The following C1orf185 variants were observed in gnomAD, a reference collection of about 807,000 sequenced individuals.
The protein encoded by C1orf185 is uncharacterized protein C1orf185.
A neutral mutation model predicts 16.1 loss-of-function variants in C1orf185; 13 were observed. The observed-to-expected ratio is 0.81, with a 90% CI of 0.53 to 1.28. The LOEUF is 1.28. Ranked by LOEUF, C1orf185 falls within the 50% of genes most tolerant of loss-of-function variation. The probability of loss-of-function intolerance (pLI) is 0.00; values close to 1 mark genes in which losing one functional copy is unlikely to be tolerated. For synonymous variants in C1orf185, 80 were observed against 76.9 expected (o/e 1.04, Z -0.21); for missense variants, 220 against 225.2 (o/e 0.98, Z 0.15).
At chr1:51,106,760 ATT>A (rs1188472569) in intron 1 of C1orf185, among the ~76,000 whole-genome samples, 12 of 140,574 alleles carry the variant, frequency 8.5e-5, no homozygotes, top group Non-Finnish European at 7.8e-5. Flanking sequence ...CAGATCTGTA[ATT>A]TTTTTTTTTT....
intron 3 of C1orf185, among the ~76,000 whole-genome samples, chr1:51,143,799 T>G: frequency 6.6e-6 from 1 of 152,174 alleles, no homozygotes; most frequent in East Asian, 1.9e-4. Context: ...AGTAGCTGGC[T>G]CTACAGGCAT....
downstream of C1orf185, among the ~76,000 whole-genome samples, chr1:51,149,926 T>C (rs144370659): frequency 3.9e-3 from 601 of 152,288 alleles, 2 homozygotes; most frequent in African/African-American, 0.014. Flanking sequence ...TAAAATCCCC[T>C]TTTTGCTTAA....
chr1:51,136,092 G>A (rs1280691620), intron 3 of C1orf185, among the ~76,000 whole-genome samples: 2 of 152,066 alleles, frequency 1.3e-5, no homozygotes, highest in Non-Finnish European at 2.9e-5. Context: ...TAGGAATGCA[G>A]CTAATCAGGG....
intron 1 of C1orf185, among the ~76,000 whole-genome samples, chr1:51,106,050 C>T (rs2148007715): frequency 6.6e-6 from 1 of 152,126 alleles, no homozygotes; most frequent in South Asian, 2.1e-4. Context: ...CACCTATTTT[C>T]TGTCGTAATA....
chr1:51,131,459 C>T (rs1008034131), intron 3 of C1orf185, among the ~76,000 whole-genome samples: 22 of 152,006 alleles, frequency 1.4e-4, no homozygotes, highest in Non-Finnish European at 2.5e-4. Context: ...TCTGGAGTTT[C>T]GTTTTTTGTT....
At chr1:51,151,233 G>A (rs1488203503), downstream of C1orf185, among the ~76,000 whole-genome samples, 1 of 152,344 alleles carries the variant, frequency 6.6e-6, no homozygotes, top group East Asian at 1.9e-4. Flanking sequence ...AGGAACAGGT[G>A]TAACAGGTTC....
At chr1:51,119,537 A>G (rs938847412) in intron 3 of C1orf185, among the ~76,000 whole-genome samples, 4 of 152,232 alleles carry the variant, frequency 2.6e-5, no homozygotes, top group African/African-American at 9.6e-5. Context: ...CATGCCTGCA[A>G]TCCCAGCACT....
intron 1 of C1orf185, among the ~76,000 whole-genome samples, chr1:51,106,474 T>C (rs1243736277): frequency 3.3e-5 from 5 of 151,986 alleles, no homozygotes; most frequent in African/African-American, 1.2e-4. Context: ...ACTCTGTCTC[T>C]AAAAAAATTA....
At chr1:51,150,859 C>A (rs1239246724), downstream of C1orf185, among the ~76,000 whole-genome samples, 2 of 152,264 alleles carry the variant, frequency 1.3e-5, no homozygotes, top group East Asian at 3.9e-4. Context: ...ATGCCTGCAC[C>A]AAGAGTGGGT....
intron 3 of C1orf185, among the ~76,000 whole-genome samples, chr1:51,128,628 G>T (rs1489028724): frequency 1.3e-5 from 2 of 152,114 alleles, no homozygotes; most frequent in East Asian, 1.9e-4. Flanking sequence ...GGGAGGCAAA[G>T]GTTGCAGTGA....
At chr1:51,150,706 C>T (rs1489588570), downstream of C1orf185, among the ~76,000 whole-genome samples, 2 of 152,106 alleles carry the variant, frequency 1.3e-5, no homozygotes, top group East Asian at 3.9e-4. Context: ...GCAATAGTTT[C>T]ATGTCTTTTG....
chr1:51,132,329 G>A (rs747275645), intron 3 of C1orf185, among the ~76,000 whole-genome samples: 17 of 151,098 alleles, frequency 1.1e-4, no homozygotes, highest in Non-Finnish European at 2.1e-4. Flanking sequence ...CCCAGTGCAA[G>A]AAGCTAAAAA....
chr1:51,141,140 G>A (rs1646361295), intron 3 of C1orf185, among the ~76,000 whole-genome samples: 1 of 152,200 alleles, frequency 6.6e-6, no homozygotes, highest in African/African-American at 2.4e-5. Context: ...GGAAACTAGA[G>A]AAACGAGAAC....
chr1:51,126,955 TA>T (rs1289136280), intron 3 of C1orf185, among the ~76,000 whole-genome samples: 3 of 152,198 alleles, frequency 2.0e-5, no homozygotes, highest in African/African-American at 7.2e-5. Flanking sequence ...GTCATGTTTG[TA>T]AAATGTCCCT....
intron 4 of C1orf185, among the ~76,000 whole-genome samples, chr1:51,146,168 A>G (rs753182180): frequency 6.6e-6 from 1 of 152,032 alleles, no homozygotes; most frequent in African/African-American, 2.4e-5. Context: ...ACAAAAGTTA[A>G]TATGTTTAGA....
chr1:51,146,359 T>G (rs1450395417), intron 4 of C1orf185, among the ~76,000 whole-genome samples: 1 of 150,386 alleles, frequency 6.6e-6, no homozygotes, highest in Non-Finnish European at 1.5e-5. Context: ...CTTGGGAGGC[T>G]GGGGCAAGAG....
intron 1 of C1orf185, among the ~76,000 whole-genome samples, chr1:51,104,060 C>T (rs1192214488): frequency 6.6e-6 from 1 of 152,142 alleles, no homozygotes; most frequent in Non-Finnish European, 1.5e-5. Context: ...ATCAGCCCTG[C>T]ATATATTTCA....
intron 3 of C1orf185, among the ~76,000 whole-genome samples, chr1:51,136,513 G>A (rs1463284349): frequency 2.0e-5 from 3 of 152,040 alleles, no homozygotes; most frequent in Non-Finnish European, 1.5e-5. Context: ...TAGAGTTACA[G>A]TAGCCAAAAC....
rs549728065 is a variant in C1orf185 at position 51,104,235 on chromosome 1, G to A, written c.16+1986G>A. Among the ~76,000 whole-genome samples, 8 of 152,160 alleles carry A rather than the reference G, an allele frequency of 5.3e-5. No individual in the cohort carries two copies. In the Middle Eastern group the frequency reaches 0.01, roughly 194 times the overall value. Reference sequence around the variant, plus strand: ...AGCATAAACCTAAGAATGAAATCTGGCAAAACTCAAGAAGAGCAAAATAAA... The same window carrying A: ...AGCATAAACCTAAGAATGAAATCTGACAAAACTCAAGAAGAGCAAAATAAA... On this transcript the variant is annotated intron_variant, in intron 1 of 4. Coordinates refer to ENST00000371759, the MANE Select transcript of C1orf185 (RefSeq NM_001136508.2).
Sources: allele counts gnomAD v4.1 joint callset (sites outside exome capture counted in the v4.1 genomes callset), GRCh38; gene constraint gnomAD v4.1.1; transcripts MANE v1.5; gene names NCBI Gene and HGNC (gene_info 2026-07-23, HGNC 2026-07-21).